OSBP: variants seen among roughly 807,000 people sequenced by gnomAD.
OSBP encodes oxysterol-binding protein 1.
A neutral mutation model predicts 96.6 loss-of-function variants in OSBP; 32 were observed. The observed-to-expected ratio is 0.33, with a 90% CI of 0.25 to 0.45. The LOEUF (loss-of-function observed/expected upper bound fraction) is 0.45, where lower values mean the gene tolerates loss of function less well. OSBP is among the 20% of genes least tolerant of loss of function. OSBP has a pLI of 1.00. For missense variants in OSBP, 653 were observed against 1,029.7 expected (o/e 0.63, Z 5.01); for synonymous variants, 369 against 389.6 (o/e 0.95, Z 0.62).
Position 59,575,003 on chromosome 11 carries a change from G to C in OSBP, c.*1574C>G, listed in dbSNP as rs1252484269. ...CTCAACCAAGGGTGGGTTGCACAGG[G>C]GATATTTCTCAACAAGACAACAAAA... On this transcript the variant is annotated 3_prime_UTR_variant, in exon 14 of 14. Transcript: ENST00000263847. 6.6e-6 allele frequency: 1 copy of C among 152,156 alleles called. No homozygotes were observed. The allele number at this position is 152,156 out of a possible 1,614,324, so 9.4% of individuals were successfully genotyped here. A position where few individuals can be genotyped will look rare whatever the true frequency, so the allele number is the denominator to read the frequency against.
Position 59,611,192 on chromosome 11 carries a change from G to T in OSBP, c.363-603C>A, listed in dbSNP as rs556158264. ...AAAGAAAGAAATAGGCTATACTGAG[G>T]TATAACTACATGCAATGTTAATTTA... is the stretch of plus-strand genomic sequence containing the variant. On this transcript the variant is annotated intron_variant, in intron 1 of 13. Transcript: ENST00000263847. Among the ~76,000 whole-genome samples, 17 of 151,542 alleles carry T rather than the reference G, an allele frequency of 1.1e-4. No individual in the cohort carries two copies. In the South Asian group the frequency reaches 3.5e-3, roughly 32 times the overall value.
Position 59,576,559 on chromosome 11 carries a change from T to C in OSBP, c.*18A>G. On this transcript the variant is annotated 3_prime_UTR_variant, in exon 14 of 14. Coordinates refer to ENST00000263847, the MANE Select transcript of OSBP (RefSeq NM_002556.3). ...TCCTCTTCTCCATTATATGCTCCTC[T>C]TTTTTGTTACTGCCGTTTCAGAAAA... The C allele has an allele frequency of 1.9e-6, 3 of 1,610,068 alleles. No individual in the cohort carries two copies. Among genetic ancestry groups the C allele is most frequent in the Non-Finnish European group, 2.5e-6 (3 of 1,178,548 alleles).
chr11:59,594,288 C>T (rs760669015), intron 7 of OSBP, 33 bp from the exon 8 acceptor site: 4 of 1,606,816 alleles, frequency 2.5e-6, no homozygotes, highest in Non-Finnish European at 3.4e-6. Flanking sequence ...AAAAACTATG[C>T]TCACTCATCT....
intron 7 of OSBP, among the ~76,000 whole-genome samples, chr11:59,595,421 C>T (rs1044137233): frequency 2.0e-5 from 3 of 152,090 alleles, no homozygotes; most frequent in Non-Finnish European, 2.9e-5. Flanking sequence ...GATGTTCCAT[C>T]TCTTTTGGCA....
In OSBP at chr11:59,601,338, T is replaced by C; in HGVS notation, c.1069A>G (p.Asn357Asp). The C allele has an allele frequency of 6.2e-7, 1 of 1,613,728 alleles. No individual in the cohort carries two copies. The highest frequency in any genetic ancestry group is 8.5e-7 in the Non-Finnish European group (1 of 1,179,696). ...KGDMSDEDDE[N>D]EFFDAPEIIT... ...ATCTCAGGTGCATCAAAAAATTCAT[T>C]CTCATCATCTTCATCGCTCATGTCC... Residue 357 changes from asparagine to aspartate, a missense_variant, in exon 5 of 14, where the codon AAT becomes GAT. Coordinates refer to ENST00000263847, the MANE Select transcript of OSBP (RefSeq NM_002556.3).
In OSBP at chr11:59,615,724, C is replaced by G. The variant is rs1205278236; in HGVS notation, c.-60G>C. The G allele has an allele frequency of 8.0e-7, 1 of 1,249,288 alleles. No homozygotes were observed. Among genetic ancestry groups the G allele is most frequent in the Non-Finnish European group, 1.0e-6 (1 of 996,712 alleles). 77.4% of individuals were successfully genotyped at this position (1,249,288 alleles called of 1,614,324 possible). A position where few individuals can be genotyped will look rare whatever the true frequency, so the allele number is the denominator to read the frequency against. On this transcript the variant is annotated 5_prime_UTR_variant, in exon 1 of 14. Transcript: ENST00000263847. ...CGCCTACGAGAGCCGCCGTCGCCGC[C>G]CGGAGCGCCCCACACGGCTACCGCA...
At position 59,612,762 on chromosome 11, in the gene OSBP, C is replaced by T. The variant is rs554794530; in HGVS notation, c.363-2173G>A. On this transcript the variant is annotated intron_variant, in intron 1 of 13. Coordinates refer to ENST00000263847, the MANE Select transcript of OSBP (RefSeq NM_002556.3). ...GCCAGAAAGTTCTTCCCTGAAAAGG[C>T]TAGCTGAAATAGTAATTCAATCTCT... Among the ~76,000 whole-genome samples, 36 of 152,260 alleles carry T rather than the reference C, an allele frequency of 2.4e-4. 2 individuals are homozygous for T. The highest frequency in any genetic ancestry group is 2.2e-3 in the Admixed American group (33 of 15,286).
chr11:59,606,720 T>C (rs981707972), intron 3 of OSBP, among the ~76,000 whole-genome samples: 3 of 152,244 alleles, frequency 2.0e-5, no homozygotes, highest in African/African-American at 7.2e-5. Context: ...GTGAAACATA[T>C]TCTTCCTTTG....
At chr11:59,596,698 C>G (rs1050480895) in intron 7 of OSBP, among the ~76,000 whole-genome samples, 3 of 151,804 alleles carry the variant, frequency 2.0e-5, no homozygotes, top group Admixed American at 2.0e-4. Flanking sequence ...GGTGGGGGTC[C>G]AAGAGAGGAG....
In OSBP at chr11:59,578,411, TAA is replaced by T. The variant is rs1860384334; in HGVS notation, c.1879-83_1879-82del. On this transcript the variant is annotated intron_variant, in intron 11 of 13. Coordinates refer to ENST00000263847, the MANE Select transcript of OSBP (RefSeq NM_002556.3). ...CCTGACTATACTGGAAGTCCTAGGATAAATAATGGTTAGGTCCTGTTATAACA... is the reference window on the plus strand; with the variant it reads ...CCTGACTATACTGGAAGTCCTAGGATATAATGGTTAGGTCCTGTTATAACA... 8 of 1,346,704 alleles carry T rather than the reference TAA, an allele frequency of 5.9e-6. No homozygotes were observed. In the Admixed American group the frequency reaches 1.3e-4, roughly 22 times the overall value. The allele number at this position is 1,346,704 out of a possible 1,614,324, so 83.4% of individuals were successfully genotyped here. A position where few individuals can be genotyped will look rare whatever the true frequency, so the allele number is the denominator to read the frequency against.
chr11:59,611,135 C>CAAA (rs35074206), intron 1 of OSBP, among the ~76,000 whole-genome samples: 55 of 60,050 alleles, frequency 9.2e-4, no homozygotes, highest in African/African-American at 2.6e-3. Context: ...AACTCCGTCT[C>CAAA]AAAAAAAAAA....
rs1474084894 is a variant in OSBP, at chr11:59,615,514, C to T, written c.151G>A (p.Val51Ile). The T allele has an allele frequency of 1.6e-6, 2 of 1,241,708 alleles. No homozygotes were observed. The highest frequency in any genetic ancestry group is 3.9e-5 in the Admixed American group (1 of 25,364). The allele number at this position is 1,241,708 out of a possible 1,614,324, so 76.9% of individuals were successfully genotyped here. Residue 51 changes from valine (V) to isoleucine (I), a missense_variant, in exon 1 of 14, where the codon GTC becomes ATC. Val to Ile is a conservative substitution (Grantham distance 29, BLOSUM62 3). Transcript: ENST00000263847. ...CCCGGGCCTCCCGCCGCCGCCGCGA[C>T]CACCGTCCCTGACGCGGCCCCGGAG... ...PGSGAASGTV[V>I]AAAAGGPGPG...
At chr11:59,601,472 A>T in intron 4 of OSBP, 87 bp from the exon 5 acceptor site, 1 of 1,204,446 alleles carries the variant, frequency 8.3e-7, no homozygotes, top group Non-Finnish European at 1.2e-6. Flanking sequence ...CTAACCACAA[A>T]CACAGCAAAA....
rs1860348078 is a variant in OSBP, at chr11:59,575,232, G to C, written c.*1345C>G. ...ACTCTTCCTGAAAAGAGAAAGAAAA[G>C]AGGCAGGAAAGAGGTTAGGATTTCA... On this transcript the variant is annotated 3_prime_UTR_variant, in exon 14 of 14. Coordinates refer to ENST00000263847, the MANE Select transcript of OSBP (RefSeq NM_002556.3). 1 of 152,230 alleles carries C rather than the reference G, an allele frequency of 6.6e-6. No homozygotes were observed. The highest frequency in any genetic ancestry group is 1.5e-5 in the Non-Finnish European group (1 of 68,066). The allele number at this position is 152,230 out of a possible 1,614,324, so 9.4% of individuals were successfully genotyped here.
intron 1 of OSBP, among the ~76,000 whole-genome samples, chr11:59,612,992 A>C (rs1860870914): frequency 6.6e-6 from 1 of 152,240 alleles, no homozygotes; most frequent in East Asian, 1.9e-4. Flanking sequence ...CCCACTTAAA[A>C]GGAAAACAGT....
Position 59,593,653 on chromosome 11 carries a change from G to T in OSBP, c.1629C>A (p.Ile543=). The change falls in exon 9 of 14, where the codon ATC becomes ATA. Residue 543 remains isoleucine (I), a synonymous_variant. Coordinates refer to ENST00000263847, the MANE Select transcript of OSBP (RefSeq NM_002556.3). ...SKNGWTLRQE[I]KITSKFRGKY... ...TGCCTCGAAACTTGCTGGTGATTTT[G>T]ATTTCCTGACGCAATGTCCAGCCAT... 1 of 1,614,090 alleles carries T rather than the reference G, an allele frequency of 6.2e-7. No individual in the cohort carries two copies. The highest frequency in any genetic ancestry group is 1.1e-5 in the South Asian group (1 of 91,082).
intron 3 of OSBP, among the ~76,000 whole-genome samples, chr11:59,604,126 T>C (rs1860752295): frequency 6.6e-6 from 1 of 152,216 alleles, no homozygotes; most frequent in Non-Finnish European, 1.5e-5. Flanking sequence ...ATTTAACCTC[T>C]CTGTGCCTCA....
chr11:59,600,598 C>G lies in OSBP; in HGVS notation c.1209G>C (p.Lys403Asn). Residue 403 changes from lysine to asparagine, a missense_variant, in exon 7 of 14, where the codon AAG becomes AAC. Transcript: ENST00000263847. ...QYKHQLEETK[K>N]EKRTRIPYKP... ...TGTATGGTATTCTGGTTCTCTTTTC[C>G]TTTTTGGTCTCCTCCAGCTGATGCT... is the stretch of plus-strand genomic sequence containing the variant. 2 of 1,614,066 alleles carry G rather than the reference C, an allele frequency of 1.2e-6. No homozygotes were observed. The highest frequency in any genetic ancestry group is 1.7e-6 in the Non-Finnish European group (2 of 1,180,004).
chr11:59,579,819 G>A (rs11230008), intron 11 of OSBP, among the ~76,000 whole-genome samples: 2,418 of 151,540 alleles, frequency 0.016, 66 homozygotes, highest in African/African-American at 0.056. Context: ...AGGTTCAAGC[G>A]ATTCTCCTGC....
Sources: allele counts gnomAD v4.1 joint callset (sites outside exome capture counted in the v4.1 genomes callset), GRCh38; gene constraint gnomAD v4.1.1; transcripts MANE v1.5; gene names NCBI Gene and HGNC (gene_info 2026-07-23, HGNC 2026-07-21).